The following NPS variants were observed in gnomAD, a reference collection of about 807,000 sequenced individuals.
NPS encodes neuropeptide S, also known as prepro-neuropeptide S.
A neutral mutation model predicts 7.2 loss-of-function variants in NPS; 6 were observed. That is an observed-to-expected ratio of 0.83 (90% CI 0.46 to 1.64). NPS has a LOEUF of 1.64. NPS is among the 40% of genes most tolerant of loss of function. The pLI is 0.01. For synonymous variants in NPS, 42 were observed against 36.7 expected (o/e 1.14, Z -0.52); for missense variants, 123 against 97.8 (o/e 1.26, Z -1.09).
At chr10:127,549,719 A>C in intron 2 of NPS, 149 bp downstream of exon 2, 1 of 603,684 alleles carries the variant, frequency 1.7e-6, no homozygotes, top group Non-Finnish European at 2.9e-6. Flanking sequence ...CAGATTGATG[A>C]CATTAGTAAA....
intron 2 of NPS, among the ~76,000 whole-genome samples, chr10:127,551,291 G>T (rs1377999089): frequency 6.6e-6 from 1 of 151,968 alleles, no homozygotes; most frequent in African/African-American, 2.4e-5. Flanking sequence ...AGGCCAGTGG[G>T]AATGATTTGT....
At position 127,553,251 on chromosome 10, in the gene NPS, T is replaced by C. The variant is rs1844875335; in HGVS notation, c.*612T>C. Among the ~76,000 whole-genome samples the C allele has an allele frequency of 6.6e-6, 1 of 152,150 alleles. No individual in the cohort carries two copies. Among genetic ancestry groups the C allele is most frequent in the African/African-American group, 2.4e-5 (1 of 41,426 alleles). On this transcript the variant is annotated 3_prime_UTR_variant, in exon 3 of 3. Transcript: ENST00000398023. ...ATATACTTAGCTATAGGGTGTTGTT[T>C]TGTTGTCTTGTCTTGGAAATTTGTT...
At position 127,553,306 on chromosome 10, in the gene NPS, C is replaced by G. The variant is rs151183065; in HGVS notation, c.*667C>G. 2.9e-4 allele frequency among the ~76,000 whole-genome samples: 44 copies of G among 152,234 alleles called. No individual in the cohort carries two copies. The highest frequency in any genetic ancestry group is 1.8e-3 in the Admixed American group (28 of 15,294). On this transcript the variant is annotated 3_prime_UTR_variant, in exon 3 of 3. Coordinates refer to ENST00000398023, the MANE Select transcript of NPS (RefSeq NM_001030013.2). ...TTTAAAATCTTTAAGCACAGAAATG[C>G]TGCCAGTAACAACAACAACAGAGAG...
Position 127,549,496 on chromosome 10 carries a change from A to C in NPS, c.16A>C (p.Lys6Gln). The change falls in exon 2 of 3, where the codon AAA becomes CAA. Residue 6 changes from lysine (K) to glutamine (Q), a missense_variant. Transcript: ENST00000398023. ...TTTTTTTCTACTTTGCAGCTCAGTA[A>C]AACTCAATCTCATCCTAGTTCTGTC... MISSV[K>Q]LNLILVLSLS... 1 of 1,611,426 alleles carries C rather than the reference A, an allele frequency of 6.2e-7. No individual in the cohort carries two copies. Among genetic ancestry groups the C allele is most frequent in the Non-Finnish European group, 8.5e-7 (1 of 1,177,614 alleles).
chr10:127,549,530 C>T lies in NPS; in HGVS notation c.50C>T (p.Thr17Ile). ...LNLILVLSLS[T>I]MHVFWCYPVP... ...CTCATCCTAGTTCTGTCGCTGTCCA[C>T]AATGCATGTGTTTTGGTGTTATCCA... Residue 17 changes from threonine (T) to isoleucine (I), a missense_variant, in exon 2 of 3, where the codon ACA becomes ATA. Physicochemically the swap from Thr to Ile is moderately conservative, Grantham distance 89. Coordinates refer to ENST00000398023, the MANE Select transcript of NPS (RefSeq NM_001030013.2). 1 of 1,612,194 alleles carries T rather than the reference C, an allele frequency of 6.2e-7. No individual in the cohort carries two copies. Among genetic ancestry groups the T allele is most frequent in the Non-Finnish European group, 8.5e-7 (1 of 1,178,272 alleles).
chr10:127,550,993 T>C (rs1220307771), intron 2 of NPS, among the ~76,000 whole-genome samples: 1 of 152,212 alleles, frequency 6.6e-6, no homozygotes, highest in Admixed American at 6.5e-5. Context: ...TAACCAGAAC[T>C]GATACATTCC....
In NPS at chr10:127,553,402, C is replaced by T. The variant is rs1349582865; in HGVS notation, c.*763C>T. 6.6e-6 allele frequency among the ~76,000 whole-genome samples: 1 copy of T among 152,136 alleles called. No individual in the cohort carries two copies. The highest frequency in any genetic ancestry group is 1.5e-5 in the Non-Finnish European group (1 of 68,016). ...TCCCCAAACTATGCTGATTAATGCC[C>T]TCTCCTTTCCCCCATCCTTCCAGGA... On this transcript the variant is annotated 3_prime_UTR_variant, in exon 3 of 3. Coordinates refer to ENST00000398023, the MANE Select transcript of NPS (RefSeq NM_001030013.2).
At chr10:127,550,570 T>C (rs760743479) in intron 2 of NPS, among the ~76,000 whole-genome samples, 1 of 152,238 alleles carries the variant, frequency 6.6e-6, no homozygotes, top group East Asian at 1.9e-4. Context: ...AAAGGTTTAC[T>C]CATGACATTT....
chr10:127,552,229 G>A (rs573082371), intron 2 of NPS, among the ~76,000 whole-genome samples: 40 of 152,194 alleles, frequency 2.6e-4, no homozygotes, highest in Admixed American at 2.0e-4. Flanking sequence ...ATGTAAATAC[G>A]GAATAGCAGC....
Position 127,552,462 on chromosome 10 carries a change from G to A in NPS, c.93G>A (p.Val31=). The A allele has an allele frequency of 1.3e-6, 2 of 1,594,630 alleles. No homozygotes were observed. Among genetic ancestry groups the A allele is most frequent in the Non-Finnish European group, 1.7e-6 (2 of 1,163,412 alleles). ...FWCYPVPSSK[V]SGKSDYFLIL... ...TCCTCACCCATCTGAATTGCCAGGT[G>A]TCTGGAAAATCTGATTACTTTCTCA... is the stretch of plus-strand genomic sequence containing the variant. The change falls in exon 3 of 3, where the codon GTG becomes GTA. Residue 31 remains valine, a splice_region_variant and synonymous_variant. Transcript: ENST00000398023.
At position 127,552,546 on chromosome 10, in the gene NPS, G is replaced by T; in HGVS notation, c.177G>T (p.Lys59Asn). 2 of 1,613,128 alleles carry T rather than the reference G, an allele frequency of 1.2e-6. No individual in the cohort carries two copies. Among genetic ancestry groups the T allele is most frequent in the Non-Finnish European group, 1.7e-6 (2 of 1,179,100 alleles). ...GGAGCAAAGAACTAGCTTTTCTAAA[G>T]CCAATTTTGGAGAAGATGTTTGTGA... ...LDRSKELAFL[K>N]PILEKMFVKR... is the part of the protein sequence containing the mutation. Residue 59 changes from lysine (K) to asparagine (N), a missense_variant, in exon 3 of 3, where the codon AAG (lysine) becomes AAT (asparagine). Coordinates refer to ENST00000398023, the MANE Select transcript of NPS (RefSeq NM_001030013.2).
chr10:127,552,023 C>T lies in NPS; in HGVS notation c.91-437C>T, dbSNP rs1459991496. 4.6e-5 allele frequency among the ~76,000 whole-genome samples: 7 copies of T among 152,338 alleles called. No homozygotes were observed. The South Asian group carries it at 1.5e-3, about 32-fold the overall frequency. On this transcript the variant is annotated intron_variant, in intron 2 of 2. Transcript: ENST00000398023. Reference sequence around the variant, plus strand: ...AGATGCCATTGTTCAAGTATCAAGACATCCTTATGGGGAAACTTGGCAAAT... The same window carrying T: ...AGATGCCATTGTTCAAGTATCAAGATATCCTTATGGGGAAACTTGGCAAAT...
intron 2 of NPS, among the ~76,000 whole-genome samples, chr10:127,551,811 C>A (rs1844861465): frequency 6.6e-6 from 1 of 152,220 alleles, no homozygotes; most frequent in African/African-American, 2.4e-5. Flanking sequence ...TCACATGGGG[C>A]ATGCACCTTT....
At chr10:127,551,386 G>C (rs10830123) in intron 2 of NPS, among the ~76,000 whole-genome samples, 42,796 of 151,846 alleles carry the variant, frequency 0.28, 8,446 homozygotes, top group African/African-American at 0.56. Context: ...GCCCCGTTTC[G>C]ACTTCCATAC....
At chr10:127,550,832 G>C (rs1353401845) in intron 2 of NPS, among the ~76,000 whole-genome samples, 3 of 152,148 alleles carry the variant, frequency 2.0e-5, no homozygotes, top group Non-Finnish European at 1.5e-5. Context: ...CGACACATAG[G>C]CTTTTATAAT....
At chr10:127,551,397 A>G (rs1259189292) in intron 2 of NPS, among the ~76,000 whole-genome samples, 1 of 152,142 alleles carries the variant, frequency 6.6e-6, no homozygotes, top group Non-Finnish European at 1.5e-5. Flanking sequence ...ACTTCCATAC[A>G]GTAACCTGAG....
chr10:127,551,190 AT>A (rs1244087649), intron 2 of NPS, among the ~76,000 whole-genome samples: 1 of 152,006 alleles, frequency 6.6e-6, no homozygotes, highest in Admixed American at 6.6e-5. Context: ...AGAGTGTTTG[AT>A]TGGTTTTCTC....
At position 127,553,297 on chromosome 10, in the gene NPS, A is replaced by G. The variant is rs567599655; in HGVS notation, c.*658A>G. Among the ~76,000 whole-genome samples, 2 of 152,252 alleles carry G rather than the reference A, an allele frequency of 1.3e-5. No homozygotes were observed. Among genetic ancestry groups the G allele is most frequent in the South Asian group, 4.1e-4 (2 of 4,824 alleles). ...TTGTTGCCTTTTAAAATCTTTAAGC[A>G]CAGAAATGCTGCCAGTAACAACAAC... On this transcript the variant is annotated 3_prime_UTR_variant, in exon 3 of 3. Transcript: ENST00000398023.
rs1374963843 is a variant in NPS at position 127,553,168 on chromosome 10, G to T, written c.*529G>T. Among the ~76,000 whole-genome samples the T allele has an allele frequency of 6.6e-6, 1 of 152,108 alleles. No individual in the cohort carries two copies. The highest frequency in any genetic ancestry group is 1.5e-5 in the Non-Finnish European group (1 of 68,006). ...CAATTGATTAATTAATTGATACCAA[G>T]AACAAACATCCCTGGAGCACTCTAG... On this transcript the variant is annotated 3_prime_UTR_variant, in exon 3 of 3. Transcript: ENST00000398023.
Sources: allele counts gnomAD v4.1 joint callset (sites outside exome capture counted in the v4.1 genomes callset), GRCh38; gene constraint gnomAD v4.1.1; transcripts MANE v1.5; gene names NCBI Gene and HGNC (gene_info 2026-07-23, HGNC 2026-07-21).